Variants in FAM227B observed in about 807,000 individuals in gnomAD.
FAM227B encodes family with sequence similarity 227 member B.
In FAM227B, 88 loss-of-function variants were observed where a neutral mutation model predicts 73.8. That is an observed-to-expected ratio of 1.19 (90% confidence interval 1.00 to 1.42). The LOEUF (loss-of-function observed/expected upper bound fraction) is 1.42. FAM227B is among the 40% of genes most tolerant of loss of function. The pLI is 0.00. For synonymous variants in FAM227B, 210 were observed against 190.5 expected, an observed-to-expected ratio of 1.10 and a Z score of -0.84; for missense variants, 632 against 590.9, an observed-to-expected ratio of 1.07 and a Z score of -0.72.
At position 49,589,970 on chromosome 15, in the gene FAM227B, T is replaced by A; in HGVS notation, c.143A>T (p.Asp48Val). ...WPREIHFRDDDKWSCTLKKIK... is the reference protein window; with the variant it reads ...WPREIHFRDDVKWSCTLKKIK... The stretch of plus-strand genomic sequence containing the variant: ...TTTTTTCAGAGTGCATGACCATTTA[T>A]CATCATCTCTAAAATGGATTTCCCT... Residue 48 changes from aspartate to valine, a missense_variant, in exon 4 of 16, where the codon GAT becomes GTT. By Grantham distance (152) the Asp-to-Val change is radical. Transcript: ENST00000299338. The A allele has an allele frequency of 1.2e-6, 2 of 1,606,598 alleles. No homozygotes were observed. Among genetic ancestry groups the A allele is most frequent in the Middle Eastern group, 3.3e-4 (2 of 6,048 alleles).
chr15:49,334,847 G>A (rs2039428129), intron 14 of FAM227B, among the ~76,000 whole-genome samples: 1 of 152,150 alleles, frequency 6.6e-6, no homozygotes, highest in Non-Finnish European at 1.5e-5. Context: ...AGAAGAACTG[G>A]ACCCTGCCCA....
At chr15:49,571,959 ACTAATT>A (rs2075134907) in intron 8 of FAM227B, among the ~76,000 whole-genome samples, 2 of 152,096 alleles carry the variant, frequency 1.3e-5, no homozygotes, top group Admixed American at 1.3e-4. Context: ...TTTTAATAAT[ACTAATT>A]CTTTCAATCT....
At chr15:49,402,785 T>C (rs2048260837) in intron 11 of FAM227B, among the ~76,000 whole-genome samples, 1 of 152,210 alleles carries the variant, frequency 6.6e-6, no homozygotes, top group African/African-American at 2.4e-5. Flanking sequence ...TTCTCTTGCC[T>C]GATTGCCCTG....
rs557150561 is a variant in FAM227B at position 49,530,115 on chromosome 15, A to T, written c.874+11565T>A. Among the ~76,000 whole-genome samples, 7 of 151,942 alleles carry T rather than the reference A, an allele frequency of 4.6e-5. No homozygotes were observed. In the South Asian group the frequency reaches 1.2e-3, roughly 27 times the overall value. The stretch of plus-strand genomic sequence containing the variant: ...TGGATATATCATATCATCTACAAAT[A>T]CAATTTTAATGCTTTTTTGCAATTA... On this transcript the variant is annotated intron_variant, in intron 10 of 15. Transcript: ENST00000299338.
At chr15:49,406,693 G>C (rs2048535453) in intron 11 of FAM227B, among the ~76,000 whole-genome samples, 1 of 152,094 alleles carries the variant, frequency 6.6e-6, no homozygotes. Flanking sequence ...CAGTGGCAGG[G>C]CAGGGTGCAT....
intron 11 of FAM227B, among the ~76,000 whole-genome samples, chr15:49,391,990 C>A (rs889096807): frequency 2.6e-5 from 4 of 152,008 alleles, no homozygotes; most frequent in African/African-American, 9.7e-5. Flanking sequence ...GGCAAGCAGA[C>A]CCACATGTGG....
chr15:49,509,574 C>G (rs67916122), intron 10 of FAM227B, among the ~76,000 whole-genome samples: 49,335 of 134,132 alleles, frequency 0.37, 8,816 homozygotes, highest in African/African-American at 0.49. Context: ...ATATAAGTTA[C>G]TTTCACTGTT....
At chr15:49,548,099 T>C (rs1182666777) in intron 9 of FAM227B, among the ~76,000 whole-genome samples, 1 of 152,208 alleles carries the variant, frequency 6.6e-6, no homozygotes, top group East Asian at 1.9e-4. Context: ...ATGTTCCAGA[T>C]CTTAGAGGAA....
At chr15:49,488,295 C>T (rs1180119056) in intron 11 of FAM227B, 1 of 151,958 alleles carries the variant, frequency 6.6e-6, no homozygotes, top group Non-Finnish European at 1.5e-5. Context: ...CACTTCTGTA[C>T]AGTATTTATT....
intron 11 of FAM227B, among the ~76,000 whole-genome samples, chr15:49,506,996 T>C (rs2058631704): frequency 6.6e-6 from 1 of 152,144 alleles, no homozygotes; most frequent in African/African-American, 2.4e-5. Context: ...GTTATTCATA[T>C]GTGAGGGTGA....
At chr15:49,439,562 TA>T (rs775572816) in intron 11 of FAM227B, among the ~76,000 whole-genome samples, 19 of 151,738 alleles carry the variant, frequency 1.3e-4, no homozygotes, top group Non-Finnish European at 2.2e-4. Context: ...AAATTCTAAG[TA>T]CACATAAAAT....
At chr15:49,332,383 T>C (rs1448856609) in intron 14 of FAM227B, among the ~76,000 whole-genome samples, 1 of 152,198 alleles carries the variant, frequency 6.6e-6, no homozygotes, top group East Asian at 1.9e-4. Context: ...AAAAGGCCAG[T>C]GGGTGACAGC....
chr15:49,476,066 T>C (rs1030668474), intron 11 of FAM227B, among the ~76,000 whole-genome samples: 5 of 152,146 alleles, frequency 3.3e-5, no homozygotes, highest in African/African-American at 1.2e-4. Context: ...CATAGTACTT[T>C]TATCTCTCAA....
intron 9 of FAM227B, among the ~76,000 whole-genome samples, chr15:49,565,512 T>C (rs955777469): frequency 1.3e-5 from 2 of 152,132 alleles, no homozygotes; most frequent in African/African-American, 4.8e-5. Flanking sequence ...AATATTTTTA[T>C]ATTAAAGACA....
At chr15:49,329,626 A>T in intron 15 of FAM227B, 1 of 985,024 alleles carries the variant, frequency 1.0e-6, no homozygotes, top group African/African-American at 1.7e-5. Context: ...TCTTAGCAGA[A>T]AGGTAAATGC....
chr15:49,397,235 G>T (rs1358058508), intron 11 of FAM227B, among the ~76,000 whole-genome samples: 1 of 152,148 alleles, frequency 6.6e-6, no homozygotes, highest in Non-Finnish European at 1.5e-5. Flanking sequence ...TCAACTAGAA[G>T]AAAGGGTATC....
At chr15:49,559,055 C>G (rs889825541) in intron 9 of FAM227B, among the ~76,000 whole-genome samples, 2 of 152,090 alleles carry the variant, frequency 1.3e-5, no homozygotes, top group African/African-American at 4.8e-5. Flanking sequence ...CAGAGAGTCA[C>G]AAAACAGGCA....
intron 11 of FAM227B, among the ~76,000 whole-genome samples, chr15:49,468,679 T>C (rs1281253842): frequency 6.6e-6 from 1 of 152,116 alleles, no homozygotes. Flanking sequence ...CCCTTCAAAG[T>C]GAAAGTCAAT....
At chr15:49,329,867 G>C in intron 15 of FAM227B, 1 of 641,434 alleles carries the variant, frequency 1.6e-6, no homozygotes, top group Non-Finnish European at 1.9e-6. Flanking sequence ...ATTTTCACCA[G>C]GTGATTTCTT....
Sources: gnomAD v4.1 joint callset for allele counts (sites outside exome capture counted in the v4.1 genomes callset) on GRCh38, gnomAD v4.1.1 for gene constraint, MANE v1.5 for transcripts, NCBI Gene and HGNC (gene_info 2026-07-23, HGNC 2026-07-21) for gene names.